CCDC148: variants seen among roughly 807,000 people sequenced by gnomAD.
CCDC148 encodes the protein coiled-coil domain containing 148.
CCDC148 carries 89 observed loss-of-function variants against 85.7 expected under a neutral mutation model. That is an observed-to-expected ratio of 1.04 (90% CI 0.87 to 1.24). CCDC148 has a LOEUF of 1.24. Ranked by LOEUF, CCDC148 falls within the 50% of genes most tolerant of loss-of-function variation. The pLI is 0.00. For missense variants in CCDC148, 692 were observed against 671.7 expected (o/e 1.03, Z -0.33); for synonymous variants, 230 against 213.9 (o/e 1.08, Z -0.66).
At chr2:158,402,432 C>CAAA (rs5835702) in intron 1 of CCDC148, among the ~76,000 whole-genome samples, 61 of 143,128 alleles carry the variant, frequency 4.3e-4, no homozygotes, top group African/African-American at 1.5e-3. Context: ...AGAAAGTAGT[C>CAAA]AAAAAAAAAA....
chr2:158,305,614 C>A (rs1460391548), intron 9 of CCDC148, among the ~76,000 whole-genome samples: 1 of 151,974 alleles, frequency 6.6e-6, no homozygotes, highest in East Asian at 1.9e-4. Context: ...ATTAGCCAGG[C>A]ATAGTGGTGC....
chr2:158,390,599 C>T (rs1271949505), intron 1 of CCDC148, among the ~76,000 whole-genome samples: 4 of 152,118 alleles, frequency 2.6e-5, no homozygotes, highest in African/African-American at 9.7e-5. Flanking sequence ...TACCCAGTGA[C>T]TAGAGATCTA....
chr2:158,409,762 T>C (rs1686179633), intron 1 of CCDC148, among the ~76,000 whole-genome samples: 1 of 152,176 alleles, frequency 6.6e-6, no homozygotes, highest in Non-Finnish European at 1.5e-5. Flanking sequence ...AGGGGCAGAA[T>C]GATATGGTTT....
rs988287322 is a variant in CCDC148 at position 158,431,632 on chromosome 2, GC to G, written c.25+24782del. Among the ~76,000 whole-genome samples, 35 of 152,184 alleles carry G rather than the reference GC, an allele frequency of 2.3e-4. 1 individual carries two copies. The highest frequency in any genetic ancestry group is 2.1e-3 in the Admixed American group (32 of 15,272). On this transcript the variant is annotated intron_variant, in intron 1 of 13. Coordinates refer to ENST00000283233, the MANE Select transcript of CCDC148 (RefSeq NM_138803.4). ...AACAAGGATTATTAAAGAAAGACCT[GC>G]ACCCTAAGAATTATTAAAGAAAGGC... is the stretch of plus-strand genomic sequence containing the variant.
intron 11 of CCDC148, among the ~76,000 whole-genome samples, chr2:158,202,118 A>G (rs968691149): frequency 1.1e-4 from 17 of 152,358 alleles, no homozygotes; most frequent in African/African-American, 3.8e-4. Flanking sequence ...TTGAAATTTT[A>G]TGAATAATTA....
chr2:158,430,937 A>G lies in CCDC148; in HGVS notation c.25+25478T>C, dbSNP rs1687318835. On this transcript the variant is annotated intron_variant, in intron 1 of 13. Transcript: ENST00000283233. The stretch of plus-strand genomic sequence containing the variant: ...AGAGCTGAAAAAATATAATATGTAA[A>G]ATGAAAATGTCATTGGATGGAATTA... Among the ~76,000 whole-genome samples the G allele has an allele frequency of 2.0e-5, 3 of 152,124 alleles. No individual in the cohort carries two copies. In the South Asian group the frequency reaches 6.2e-4, roughly 31 times the overall value.
intron 9 of CCDC148, among the ~76,000 whole-genome samples, chr2:158,252,594 T>C (rs530993814): frequency 4.5e-4 from 68 of 151,818 alleles, no homozygotes; most frequent in Non-Finnish European, 8.0e-4. Flanking sequence ...TGACCATTGC[T>C]TTATGCTTAA....
chr2:158,301,204 G>T (rs1691425184), intron 9 of CCDC148, among the ~76,000 whole-genome samples: 1 of 152,176 alleles, frequency 6.6e-6, no homozygotes, highest in South Asian at 2.1e-4. Flanking sequence ...TTTAGAGAAA[G>T]GGTTTCTCAA....
intron 2 of CCDC148, among the ~76,000 whole-genome samples, chr2:158,351,870 T>C (rs962207409): frequency 6.7e-6 from 1 of 150,188 alleles, no homozygotes; most frequent in African/African-American, 2.5e-5. Context: ...AGCACACAGC[T>C]GGAGATCTGA....
chr2:158,206,751 GAA>G (rs1034751032), intron 11 of CCDC148, among the ~76,000 whole-genome samples: 2 of 152,180 alleles, frequency 1.3e-5, no homozygotes, highest in Non-Finnish European at 2.9e-5. Flanking sequence ...ATAAGTCCCT[GAA>G]AAATTGTTGG....
chr2:158,279,530 T>A (rs911857914), intron 9 of CCDC148, among the ~76,000 whole-genome samples: 1 of 152,060 alleles, frequency 6.6e-6, no homozygotes, highest in South Asian at 2.1e-4. Context: ...GTATCAGTGA[T>A]GGAAGATGAA....
intron 9 of CCDC148, among the ~76,000 whole-genome samples, chr2:158,264,578 A>G (rs1455283898): frequency 1.3e-5 from 2 of 152,186 alleles, no homozygotes; most frequent in East Asian, 3.9e-4. Flanking sequence ...AGGAAGCAAG[A>G]TCTTCAAGAC....
At chr2:158,437,459 G>A (rs1687714489) in intron 1 of CCDC148, among the ~76,000 whole-genome samples, 1 of 152,120 alleles carries the variant, frequency 6.6e-6, no homozygotes, top group Non-Finnish European at 1.5e-5. Flanking sequence ...AATAAATTAG[G>A]TATTGATGGG....
At chr2:158,268,768 C>G (rs1431972705) in intron 9 of CCDC148, among the ~76,000 whole-genome samples, 2 of 152,156 alleles carry the variant, frequency 1.3e-5, no homozygotes, top group African/African-American at 2.4e-5. Flanking sequence ...TGGTAACCAT[C>G]ATTCTACTCT....
intron 2 of CCDC148, among the ~76,000 whole-genome samples, chr2:158,356,555 G>T (rs953099418): frequency 6.6e-6 from 1 of 152,086 alleles, no homozygotes; most frequent in Admixed American, 6.5e-5. Flanking sequence ...CAGTTAGAAT[G>T]GTGATCATTA....
At chr2:158,387,753 C>T (rs1685150067) in intron 1 of CCDC148, among the ~76,000 whole-genome samples, 1 of 152,138 alleles carries the variant, frequency 6.6e-6, no homozygotes, top group East Asian at 1.9e-4. Flanking sequence ...TGCTTGGGCA[C>T]TGACACAGTG....
chr2:158,328,535 G>A (rs1423176082), intron 7 of CCDC148, among the ~76,000 whole-genome samples: 1 of 152,086 alleles, frequency 6.6e-6, no homozygotes, highest in Non-Finnish European at 1.5e-5. Flanking sequence ...ACCCAGTAAT[G>A]GGATGGCTGG....
At chr2:158,274,542 T>C (rs1164081279) in intron 9 of CCDC148, among the ~76,000 whole-genome samples, 6 of 152,212 alleles carry the variant, frequency 3.9e-5, no homozygotes, top group African/African-American at 1.4e-4. Flanking sequence ...TATTTTTATT[T>C]CTCTTTTACA....
intron 1 of CCDC148, among the ~76,000 whole-genome samples, chr2:158,435,620 C>A (rs1285418388): frequency 6.6e-6 from 1 of 152,086 alleles, no homozygotes; most frequent in Non-Finnish European, 1.5e-5. Context: ...CAAATTCAAA[C>A]AAACAATATT....
Sources: gnomAD v4.1 joint callset for allele counts (sites outside exome capture counted in the v4.1 genomes callset) on GRCh38, gnomAD v4.1.1 for gene constraint, MANE v1.5 for transcripts, NCBI Gene and HGNC (gene_info 2026-07-23, HGNC 2026-07-21) for gene names.